AP2A2: variants seen among roughly 807,000 people sequenced by gnomAD.
The protein encoded by AP2A2 is AP-2 complex subunit alpha-2.
Under a neutral mutation model 104.2 loss-of-function variants are expected in AP2A2, and 32 were observed. The ratio of observed to expected loss-of-function variants is 0.31; its 90% CI spans 0.23 to 0.41. The LOEUF is 0.41. Ranked by LOEUF, AP2A2 falls within the 10% of genes least tolerant of loss-of-function variation. The probability of loss-of-function intolerance (pLI) is 1.00; values close to 1 mark genes in which losing one functional copy is unlikely to be tolerated. For missense variants in AP2A2, 912 were observed against 1,261.0 expected, an observed-to-expected ratio of 0.72 and a Z score of 4.19; for synonymous variants, 539 against 533.3, an observed-to-expected ratio of 1.01 and a Z score of -0.15.
chr11:971,566 G>A (rs1389469102), intron 3 of AP2A2, among the ~76,000 whole-genome samples: 2 of 152,164 alleles, frequency 1.3e-5, no homozygotes, highest in African/African-American at 4.8e-5. Context: ...CACAGGACTG[G>A]GGTTTGCCCT....
chr11:994,418 G>A (rs896012151), intron 14 of AP2A2, among the ~76,000 whole-genome samples, 173 bp downstream of exon 14: 6 of 113,568 alleles, frequency 5.3e-5, no homozygotes, highest in East Asian at 2.9e-4. Flanking sequence ...TGCTGGACAC[G>A]CTGCTGTCCT....
chr11:978,070 C>T (rs1355700508), intron 5 of AP2A2, among the ~76,000 whole-genome samples: 1 of 152,196 alleles, frequency 6.6e-6, no homozygotes, highest in South Asian at 2.1e-4. Flanking sequence ...AGGAAATGCC[C>T]TCTGACAGCC....
chr11:989,857 C>T (rs1289350596), intron 10 of AP2A2, among the ~76,000 whole-genome samples: 1 of 152,222 alleles, frequency 6.6e-6, no homozygotes, highest in Non-Finnish European at 1.5e-5. Flanking sequence ...GCCAGGACCA[C>T]AGCCTCTTGT....
chr11:1,006,519 T>A lies in AP2A2; in HGVS notation c.2207-9T>A. On this transcript the variant is annotated splice_polypyrimidine_tract_variant and intron_variant, in intron 16 of 21. Coordinates refer to ENST00000448903, the MANE Select transcript of AP2A2 (RefSeq NM_012305.4). Reference sequence around the variant, plus strand: ...GTGTGTGTGAAAAAATTGTTTTTGTTCCTTCTAGGTCGGATGTTTATCTTT... The same window carrying A: ...GTGTGTGTGAAAAAATTGTTTTTGTACCTTCTAGGTCGGATGTTTATCTTT... 1 of 1,606,462 alleles carries A rather than the reference T, an allele frequency of 6.2e-7. No homozygotes were observed. The highest frequency in any genetic ancestry group is 1.7e-5 in the Admixed American group (1 of 59,064).
At position 960,076 on chromosome 11, in the gene AP2A2, A is replaced by T. The variant is rs370924141; in HGVS notation, c.136+571A>T. Among the ~76,000 whole-genome samples, 10 of 152,246 alleles carry T rather than the reference A, an allele frequency of 6.6e-5. 1 individual carries two copies. The East Asian group carries it at 1.9e-3, about 29-fold the overall frequency. On this transcript the variant is annotated intron_variant, in intron 2 of 21. Coordinates refer to ENST00000448903, the MANE Select transcript of AP2A2 (RefSeq NM_012305.4). ...TGGCTCACCTCCCTGAGCATACCTT[A>T]GCCACGGTGTAGCTGAAATTGCCCA...
intron 2 of AP2A2, among the ~76,000 whole-genome samples, chr11:969,445 C>T (rs969322429): frequency 4.6e-5 from 7 of 151,926 alleles, no homozygotes; most frequent in South Asian, 2.1e-4. Flanking sequence ...AGGCTGGTCT[C>T]GAACTCCTGA....
intron 21 of AP2A2, chr11:1,010,103 G>GTGGAGCATCGTCCCACCA (rs1308506466): frequency 6.2e-6 from 3 of 484,486 alleles, no homozygotes; most frequent in African/African-American, 5.8e-5. Flanking sequence ...GCTGGCCACC[G>GTGGAGCATCGTCCCACCA]TGGAGCATCG....
In AP2A2 at chr11:1,006,533, A is replaced by G. The variant is rs1446017846; in HGVS notation, c.2212A>G (p.Met738Val). The G allele has an allele frequency of 1.4e-5, 23 of 1,612,472 alleles. No homozygotes were observed. Among genetic ancestry groups the G allele is most frequent in the African/African-American group, 2.7e-5 (2 of 74,848 alleles). Residue 738 changes from methionine (M) to valine (V), a missense_variant, in exon 17 of 22, where the codon ATG becomes GTG. Met to Val is a conservative substitution (Grantham distance 21). This residue lies in a region of AP2A2 where 239 missense variants were observed against 329.8 expected (regional missense o/e 0.72). Transcript: ENST00000448903. ...ATTGTTTTTGTTCCTTCTAGGTCGGATGTTTATCTTTTATGGTAATAAGAC... is the reference window on the plus strand; with the variant it reads ...ATTGTTTTTGTTCCTTCTAGGTCGGGTGTTTATCTTTTATGGTAATAAGAC... ...KSEFRQNLGR[M>V]FIFYGNKTST...
intron 1 of AP2A2, among the ~76,000 whole-genome samples, chr11:951,980 C>A (rs950410288): frequency 6.6e-6 from 1 of 152,122 alleles, no homozygotes; most frequent in East Asian, 1.9e-4. Flanking sequence ...TGATTCCCCC[C>A]ACCTCAGCCT....
chr11:992,137 C>T lies in AP2A2; in HGVS notation c.1270-366C>T, dbSNP rs536453114. Among the ~76,000 whole-genome samples the T allele has an allele frequency of 3.4e-4, 52 of 151,984 alleles. No individual in the cohort carries two copies. Among genetic ancestry groups the T allele is most frequent in the South Asian group, 8.4e-4 (4 of 4,778 alleles). On this transcript the variant is annotated intron_variant, in intron 10 of 21. Transcript: ENST00000448903. The surrounding 1 kb of genome is among the most constrained non-coding windows in gnomAD (Gnocchi z 6.4). ...ACTGGCCGCCGGGAGCCCAGGGTGG[C>T]GCAGTCAGAGGTCAGAGGAGTGCTG...
At chr11:988,496 G>T in intron 9 of AP2A2, 56 bp from the exon 10 acceptor site, 2 of 1,585,902 alleles carry the variant, frequency 1.3e-6, no homozygotes, top group South Asian at 1.1e-5. Flanking sequence ...TCCCCAGCCT[G>T]TCCCCAAGCT....
chr11:954,267 C>T (rs1386189268), intron 1 of AP2A2, among the ~76,000 whole-genome samples: 2 of 152,220 alleles, frequency 1.3e-5, no homozygotes, highest in Non-Finnish European at 2.9e-5. Flanking sequence ...TGGATTCCCA[C>T]CTCACGTGCT....
At chr11:943,657 G>A (rs1428437623) in intron 1 of AP2A2, among the ~76,000 whole-genome samples, 1 of 152,148 alleles carries the variant, frequency 6.6e-6, no homozygotes, top group Admixed American at 6.5e-5. Flanking sequence ...TGGAGATGCA[G>A]GTGGCAGCGG....
At position 993,686 on chromosome 11, in the gene AP2A2, C is replaced by T. The variant is rs567423298; in HGVS notation, c.1551-68C>T. On this transcript the variant is annotated intron_variant, in intron 12 of 21. Transcript: ENST00000448903. The surrounding 1 kb of genome is among the most constrained non-coding windows in gnomAD (Gnocchi z 8.2). ...CAGGGGGTCTCGCCGCCGTCCCCCC[C>T]CCGCGGGGGCGTGCTGCAGCCTGCG... The T allele has an allele frequency of 1.2e-4, 149 of 1,276,566 alleles. 1 individual carries two copies. In the Middle Eastern group the frequency reaches 1.9e-3, roughly 16 times the overall value. The allele number at this position is 1,276,566 out of a possible 1,614,324, so 79.1% of individuals were successfully genotyped here.
chr11:935,202 C>T (rs1256159328), intron 1 of AP2A2, among the ~76,000 whole-genome samples: 1 of 152,000 alleles, frequency 6.6e-6, no homozygotes, highest in South Asian at 2.1e-4. Context: ...TACAGATGCG[C>T]GCACCACCAT....
intron 1 of AP2A2, among the ~76,000 whole-genome samples, chr11:946,163 CT>C: frequency 6.6e-6 from 1 of 152,308 alleles, no homozygotes; most frequent in Non-Finnish European, 1.5e-5. Context: ...CTCTGAGGAG[CT>C]TTTATCTGTG....
At position 984,773 on chromosome 11, in the gene AP2A2, T is replaced by C; in HGVS notation, c.814+20T>C. On this transcript the variant is annotated intron_variant, in intron 7 of 21. Transcript: ENST00000448903. The stretch of plus-strand genomic sequence containing the variant: ...CCCCAGGTAACGCGCAGGCCGCGGC[T>C]CCTGAAGCTGCACCAGTGCCAGTCT... 6.4e-7 allele frequency: 1 copy of C among 1,554,440 alleles called. No individual in the cohort carries two copies. The highest frequency in any genetic ancestry group is 1.1e-5 in the South Asian group (1 of 89,928).
intron 1 of AP2A2, among the ~76,000 whole-genome samples, chr11:956,006 A>G (rs1472060171): frequency 6.6e-6 from 1 of 152,076 alleles, no homozygotes. Context: ...GACTCACTTG[A>G]GAAGGTTTTT....
At chr11:959,613 T>C in intron 2 of AP2A2, 108 bp downstream of exon 2, 1 of 760,228 alleles carries the variant, frequency 1.3e-6, no homozygotes, top group Non-Finnish European at 2.1e-6. Flanking sequence ...AGTGAAGTTC[T>C]CAGTTTGTAC....
Sources: allele counts gnomAD v4.1 joint callset (sites outside exome capture counted in the v4.1 genomes callset), GRCh38; gene constraint gnomAD v4.1.1; regional missense constraint gnomAD v4.1.1; non-coding constraint Gnocchi (gnomAD v3.1); transcripts MANE v1.5; gene names NCBI Gene and HGNC (gene_info 2026-07-23, HGNC 2026-07-21).